KCNIP4: variants seen among roughly 807,000 people sequenced by gnomAD.
The protein encoded by KCNIP4 is potassium voltage-gated channel interacting protein 4.
KCNIP4 carries 12 observed loss-of-function variants against 34.0 expected under a neutral mutation model. The ratio of observed to expected loss-of-function variants is 0.35; its 90% confidence interval spans 0.23 to 0.57. The LOEUF is 0.57. KCNIP4 is among the 20% of genes least tolerant of loss of function. The probability of loss-of-function intolerance (pLI) is 0.83; values close to 1 mark genes in which losing one functional copy is unlikely to be tolerated. For missense variants in KCNIP4, 238 were observed against 311.7 expected (o/e 0.76, Z 1.78); for synonymous variants, 124 against 102.2 (o/e 1.21, Z -1.29).
At chr4:21,716,261 G>C (rs946258070) in intron 1 of KCNIP4, among the ~76,000 whole-genome samples, 1 of 152,038 alleles carries the variant, frequency 6.6e-6, no homozygotes, top group African/African-American at 2.4e-5. Flanking sequence ...TTTTGAGATA[G>C]AGTCTTGTTC....
At chr4:21,408,459 G>C (rs1035930276) in intron 1 of KCNIP4, among the ~76,000 whole-genome samples, 2 of 152,164 alleles carry the variant, frequency 1.3e-5, no homozygotes, top group African/African-American at 2.4e-5. Context: ...AGGATTTTGA[G>C]AGAGAGTTTC....
At chr4:20,988,713 T>A (rs145497188) in intron 1 of KCNIP4, among the ~76,000 whole-genome samples, 104 of 152,326 alleles carry the variant, frequency 6.8e-4, no homozygotes, top group African/African-American at 2.0e-3. Context: ...ATGAAGGGAA[T>A]CAGAAAATGT....
At chr4:21,549,955 T>C (rs923960884) in intron 1 of KCNIP4, among the ~76,000 whole-genome samples, 3 of 152,072 alleles carry the variant, frequency 2.0e-5, no homozygotes, top group Admixed American at 6.6e-5. Flanking sequence ...TGTAGACAAA[T>C]CTATTTGGTT....
intron 1 of KCNIP4, among the ~76,000 whole-genome samples, chr4:21,618,151 T>C (rs1243070754): frequency 6.6e-6 from 1 of 152,174 alleles, no homozygotes; most frequent in Non-Finnish European, 1.5e-5. Context: ...TCAGTTCAGT[T>C]TGCTGTGGTA....
At chr4:21,169,438 T>C (rs1753852670) in intron 1 of KCNIP4, among the ~76,000 whole-genome samples, 1 of 151,950 alleles carries the variant, frequency 6.6e-6, no homozygotes, top group Non-Finnish European at 1.5e-5. Flanking sequence ...AGGTGTGTAA[T>C]CTCACCACAC....
chr4:20,849,548 G>C (rs1413009359), intron 3 of KCNIP4, among the ~76,000 whole-genome samples: 1 of 152,164 alleles, frequency 6.6e-6, no homozygotes, highest in East Asian at 1.9e-4. Flanking sequence ...AGTTGTGGTG[G>C]TCAGATGTGA....
At chr4:21,259,818 T>C (rs1192279030) in intron 1 of KCNIP4, among the ~76,000 whole-genome samples, 2 of 151,878 alleles carry the variant, frequency 1.3e-5, no homozygotes, top group African/African-American at 4.8e-5. Flanking sequence ...CAAAAGAAAC[T>C]CCTGCTTCTC....
chr4:21,041,262 A>G (rs1324444199), intron 1 of KCNIP4, among the ~76,000 whole-genome samples: 7 of 151,444 alleles, frequency 4.6e-5, no homozygotes, highest in South Asian at 2.1e-4. Flanking sequence ...ACACACACAC[A>G]CACGCACATG....
At chr4:20,789,095 T>C (rs991950150) in intron 3 of KCNIP4, among the ~76,000 whole-genome samples, 3 of 152,160 alleles carry the variant, frequency 2.0e-5, no homozygotes, top group Non-Finnish European at 4.4e-5. Context: ...GGACATGTCC[T>C]GTCTGTCTAT....
intron 1 of KCNIP4, among the ~76,000 whole-genome samples, chr4:21,700,692 C>G (rs759947996): frequency 6.6e-6 from 1 of 151,962 alleles, no homozygotes; most frequent in Non-Finnish European, 1.5e-5. Flanking sequence ...TGTCCTGAAG[C>G]TTTTCTCCTA....
At chr4:21,371,574 G>T (rs1720456350) in intron 1 of KCNIP4, among the ~76,000 whole-genome samples, 1 of 146,916 alleles carries the variant, frequency 6.8e-6, no homozygotes. Flanking sequence ...TCCTCATAAA[G>T]AAAATGAAAT....
intron 1 of KCNIP4, among the ~76,000 whole-genome samples, chr4:21,229,518 T>A (rs948648433): frequency 1.3e-5 from 2 of 152,220 alleles, no homozygotes; most frequent in East Asian, 1.9e-4. Context: ...TTTGAACCTA[T>A]AATGTGCTGT....
intron 1 of KCNIP4, among the ~76,000 whole-genome samples, chr4:20,924,997 C>G (rs1205680046): frequency 6.6e-6 from 1 of 151,996 alleles, no homozygotes; most frequent in Non-Finnish European, 1.5e-5. Flanking sequence ...TGCAAAAAAG[C>G]ACTTTTGAAA....
intron 1 of KCNIP4, among the ~76,000 whole-genome samples, chr4:21,380,458 G>GGAGAGAGAGAGGGA (rs1721389585): frequency 3.4e-5 from 3 of 88,628 alleles, no homozygotes; most frequent in African/African-American, 1.5e-4. Flanking sequence ...AGGGAGAGGG[G>GGAGAGAGAGAGGGA]GAGAGAGAGA....
Position 21,122,335 on chromosome 4 carries a change from G to A in KCNIP4, c.62-239626C>T, listed in dbSNP as rs72491283. Among the ~76,000 whole-genome samples the A allele has an allele frequency of 5.5e-4, 83 of 150,282 alleles. 1 individual carries two copies. The East Asian group carries it at 0.011, about 20-fold the overall frequency. ...AGATCAAGCTTTTCTTTTTAAGTGC[G>A]TATACGTTTTGAAAATCAGTATTTT... On this transcript the variant is annotated intron_variant, in intron 1 of 8. Coordinates refer to ENST00000382152, the MANE Select transcript of KCNIP4 (RefSeq NM_025221.6).
chr4:21,113,478 A>G (rs1002271211), intron 1 of KCNIP4, among the ~76,000 whole-genome samples: 3 of 118,728 alleles, frequency 2.5e-5, no homozygotes, highest in African/African-American at 1.2e-4. Flanking sequence ...AAAAAAAAAA[A>G]AAGGAAAGCT....
chr4:21,858,191 G>C (rs564474962), intron 1 of KCNIP4, among the ~76,000 whole-genome samples: 1 of 152,228 alleles, frequency 6.6e-6, no homozygotes, highest in Non-Finnish European at 1.5e-5. Flanking sequence ...CAGGTCAAGA[G>C]GGCCCAGTGG....
At chr4:20,819,668 G>A (rs1262814552) in intron 3 of KCNIP4, among the ~76,000 whole-genome samples, 1 of 152,194 alleles carries the variant, frequency 6.6e-6, no homozygotes, top group Admixed American at 6.5e-5. Flanking sequence ...AAGAGATGTG[G>A]CCTTTTGAGA....
chr4:21,652,659 A>G (rs1245871831), intron 1 of KCNIP4, among the ~76,000 whole-genome samples: 1 of 152,178 alleles, frequency 6.6e-6, no homozygotes, highest in Non-Finnish European at 1.5e-5. Flanking sequence ...CAAGTGCCAG[A>G]TTTCTGTTAA....
Sources: allele counts gnomAD v4.1 joint callset (sites outside exome capture counted in the v4.1 genomes callset), GRCh38; gene constraint gnomAD v4.1.1; transcripts MANE v1.5; gene names NCBI Gene and HGNC (gene_info 2026-07-23, HGNC 2026-07-21).